CAMK2D: variants seen among roughly 807,000 people sequenced by gnomAD.
CAMK2D encodes the protein calcium/calmodulin-dependent protein kinase type II subunit delta.
CAMK2D carries 37 observed loss-of-function variants against 84.0 expected under a neutral mutation model. The ratio of observed to expected loss-of-function variants is 0.44; its 90% CI spans 0.34 to 0.58. CAMK2D has a LOEUF of 0.58. Among genes scored for constraint, CAMK2D ranks in the 20% least tolerant of loss-of-function variants. The pLI, the probability that CAMK2D is intolerant of heterozygous loss-of-function variation, is 0.02. For synonymous variants in CAMK2D, 202 were observed against 212.5 expected (o/e 0.95, Z 0.43); for missense variants, 448 against 652.5 (o/e 0.69, Z 3.41).
intron 2 of CAMK2D, among the ~76,000 whole-genome samples, chr4:113,704,464 C>A (rs2099435255): frequency 6.6e-6 from 1 of 152,016 alleles, no homozygotes. Flanking sequence ...TAAAGCAAGT[C>A]CATAATCACA....
At chr4:113,555,147 T>C (rs1360255310) in intron 4 of CAMK2D, among the ~76,000 whole-genome samples, 2 of 152,302 alleles carry the variant, frequency 1.3e-5, no homozygotes, top group African/African-American at 2.4e-5. Context: ...TCATCCAGAA[T>C]ACAACATTTG....
chr4:113,616,383 T>G (rs1468988357), intron 3 of CAMK2D, among the ~76,000 whole-genome samples: 1 of 152,160 alleles, frequency 6.6e-6, no homozygotes, highest in Non-Finnish European at 1.5e-5. Flanking sequence ...CCACTCCTGA[T>G]TCAAGATTAA....
At chr4:113,552,220 A>G (rs961635722) in intron 4 of CAMK2D, 124 bp from the exon 5 acceptor site, 6 of 556,446 alleles carry the variant, frequency 1.1e-5, no homozygotes, top group Non-Finnish European at 1.9e-5. Context: ...AAAACTTTTT[A>G]AAACATGAGA....
intron 4 of CAMK2D, among the ~76,000 whole-genome samples, chr4:113,563,428 C>T (rs944094703): frequency 1.3e-5 from 2 of 152,078 alleles, no homozygotes; most frequent in Non-Finnish European, 1.5e-5. Context: ...CTTTCTTTCA[C>T]TTTGTCTCTC....
rs1336209898 is a variant in CAMK2D, at chr4:113,681,215, C to G, written c.161-19443G>C. On this transcript the variant is annotated intron_variant, in intron 2 of 20. Transcript: ENST00000511664. ...CTGTGTGATATGGTTTGGCTGTGTC[C>G]CCACTCAAATCTCATCTTGAATTGT... Among the ~76,000 whole-genome samples the G allele has an allele frequency of 5.9e-5, 9 of 152,072 alleles. No homozygotes were observed. In the South Asian group the frequency reaches 1.9e-3, roughly 32 times the overall value.
At chr4:113,459,989 AT>A (rs886527130) in intron 18 of CAMK2D, among the ~76,000 whole-genome samples, 157 bp downstream of exon 18, 26 of 151,348 alleles carry the variant, frequency 1.7e-4, no homozygotes, top group South Asian at 1.5e-3. Context: ...AGCCTGACAT[AT>A]TTTTTTTTCA....
intron 3 of CAMK2D, among the ~76,000 whole-genome samples, chr4:113,618,243 G>C (rs1322339487): frequency 6.6e-6 from 1 of 152,064 alleles, no homozygotes; most frequent in African/African-American, 2.4e-5. Flanking sequence ...TTTTATTTTG[G>C]AATTGTTTTT....
intron 2 of CAMK2D, among the ~76,000 whole-genome samples, chr4:113,729,687 A>T (rs1377797693): frequency 1.3e-5 from 2 of 152,148 alleles, no homozygotes; most frequent in Non-Finnish European, 2.9e-5. Context: ...CAAAATTCAT[A>T]TGTTAAATCC....
chr4:113,564,056 T>C (rs569468916), intron 4 of CAMK2D, among the ~76,000 whole-genome samples: 1 of 152,342 alleles, frequency 6.6e-6, no homozygotes, highest in East Asian at 1.9e-4. Flanking sequence ...TTTGTGACTA[T>C]TAAATGTCTA....
intron 4 of CAMK2D, among the ~76,000 whole-genome samples, chr4:113,605,023 T>G (rs570109846): frequency 6.6e-6 from 1 of 152,308 alleles, no homozygotes; most frequent in East Asian, 1.9e-4. Flanking sequence ...TAAAGCTAAG[T>G]GAGAATCAAC....
chr4:113,505,054 T>A lies in CAMK2D; in HGVS notation c.985-19A>T. ...TGTTTATCTGTGGGTATGCAGAAAA[T>A]AGAAACAGAGATGCCTTAAACCCCT... is the stretch of plus-strand genomic sequence containing the variant. On this transcript the variant is annotated intron_variant, in intron 13 of 20. Coordinates refer to ENST00000511664, the MANE Select transcript of CAMK2D (RefSeq NM_001321571.2). The A allele has an allele frequency of 6.5e-7, 1 of 1,539,030 alleles. No homozygotes were observed. The highest frequency in any genetic ancestry group is 8.8e-7 in the Non-Finnish European group (1 of 1,141,748).
At chr4:113,511,758 T>C (rs373887878) in intron 12 of CAMK2D, among the ~76,000 whole-genome samples, 1 of 152,112 alleles carries the variant, frequency 6.6e-6, no homozygotes, top group African/African-American at 2.4e-5. Flanking sequence ...ACTAAATGAA[T>C]TGGACAAAAT....
intron 4 of CAMK2D, among the ~76,000 whole-genome samples, chr4:113,579,584 C>T (rs2098798910): frequency 6.6e-6 from 1 of 152,014 alleles, no homozygotes; most frequent in Non-Finnish European, 1.5e-5. Context: ...TCTCTTGCTC[C>T]CTCTCTTGCC....
At chr4:113,734,881 A>T (rs2099577195) in intron 2 of CAMK2D, among the ~76,000 whole-genome samples, 1 of 147,314 alleles carries the variant, frequency 6.8e-6, no homozygotes, top group African/African-American at 2.6e-5. Context: ...TTTACTCCTA[A>T]GTTTAGGAAA....
At chr4:113,567,746 T>C (rs904466309) in intron 4 of CAMK2D, among the ~76,000 whole-genome samples, 2 of 152,220 alleles carry the variant, frequency 1.3e-5, no homozygotes, top group African/African-American at 4.8e-5. Flanking sequence ...TGAACTTCAG[T>C]GTCCTAATCT....
chr4:113,512,618 G>C (rs1327131994), intron 12 of CAMK2D, among the ~76,000 whole-genome samples: 1 of 152,158 alleles, frequency 6.6e-6, no homozygotes, highest in African/African-American at 2.4e-5. Flanking sequence ...CTGTCGCCAG[G>C]CTGGAGTGCA....
intron 4 of CAMK2D, among the ~76,000 whole-genome samples, chr4:113,553,281 G>A (rs1441866455): frequency 6.6e-6 from 1 of 152,150 alleles, no homozygotes; most frequent in African/African-American, 2.4e-5. Flanking sequence ...CACAGCTCAT[G>A]CCCTCAACCA....
At chr4:113,722,736 CAG>C (rs1361651506) in intron 2 of CAMK2D, among the ~76,000 whole-genome samples, 1 of 152,140 alleles carries the variant, frequency 6.6e-6, no homozygotes, top group Non-Finnish European at 1.5e-5. Flanking sequence ...TTTCCCTCTG[CAG>C]AGTTGAAACC....
chr4:113,582,145 C>T (rs566673607), intron 4 of CAMK2D, among the ~76,000 whole-genome samples: 1 of 152,298 alleles, frequency 6.6e-6, no homozygotes, highest in South Asian at 2.1e-4. Context: ...GTCTTGGTTT[C>T]ACATCCAGGT....
Sources: gnomAD v4.1 joint callset for allele counts (sites outside exome capture counted in the v4.1 genomes callset) on GRCh38, gnomAD v4.1.1 for gene constraint, MANE v1.5 for transcripts, NCBI Gene and HGNC (gene_info 2026-07-23, HGNC 2026-07-21) for gene names.